The following GNG12 variants were observed in gnomAD, a reference collection of about 807,000 sequenced individuals.
The protein encoded by GNG12 is guanine nucleotide-binding protein G(I)/G(S)/G(O) subunit gamma-12.
For missense variants in GNG12, 69 were observed against 83.8 expected, an observed-to-expected ratio of 0.82 and a Z score of 0.69; for synonymous variants, 28 against 29.7, an observed-to-expected ratio of 0.94 and a Z score of 0.19.
intron 2 of GNG12, among the ~76,000 whole-genome samples, chr1:67,727,863 A>C (rs891591414): frequency 6.6e-5 from 10 of 152,214 alleles, no homozygotes; most frequent in African/African-American, 2.4e-4. Flanking sequence ...TTTAGCATGC[A>C]AATTTATGTG....
chr1:67,770,362 T>C (rs1171563476), intron 2 of GNG12, among the ~76,000 whole-genome samples: 2 of 152,038 alleles, frequency 1.3e-5, no homozygotes, highest in East Asian at 3.9e-4. Flanking sequence ...TTGATATGCA[T>C]CTCCCTCAGG....
chr1:67,748,549 G>A (rs1237565824), intron 2 of GNG12, among the ~76,000 whole-genome samples: 2 of 152,212 alleles, frequency 1.3e-5, no homozygotes, highest in Non-Finnish European at 2.9e-5. Context: ...GGAGGAAGAA[G>A]TGCAGCGTCT....
rs527710669 is a variant in GNG12, at chr1:67,737,938, T to G, written c.-26-30226A>C. Reference sequence around the variant, plus strand: ...CTAAGATTCTTTTCAGTGTCAAGCTTTATTATAAAAGCTTTTCTTTTCCTT... The same window carrying G: ...CTAAGATTCTTTTCAGTGTCAAGCTGTATTATAAAAGCTTTTCTTTTCCTT... On this transcript the variant is annotated intron_variant, in intron 2 of 3. Transcript: ENST00000370982. 2.6e-5 allele frequency among the ~76,000 whole-genome samples: 4 copies of G among 152,232 alleles called. No individual in the cohort carries two copies. The South Asian group carries it at 8.3e-4, about 32-fold the overall frequency.
At chr1:67,821,834 G>A (rs536897233) in intron 1 of GNG12, among the ~76,000 whole-genome samples, 10 of 151,298 alleles carry the variant, frequency 6.6e-5, no homozygotes, top group South Asian at 2.1e-4. Flanking sequence ...ATAGAATACC[G>A]GCACATCTAA....
intron 2 of GNG12, among the ~76,000 whole-genome samples, chr1:67,748,296 T>G (rs1473160511): frequency 6.6e-6 from 1 of 152,202 alleles, no homozygotes; most frequent in African/African-American, 2.4e-5. Context: ...AAGAAAGAAA[T>G]TCCTGGCTTT....
chr1:67,798,137 C>T (rs4388682), intron 1 of GNG12, among the ~76,000 whole-genome samples: 1 of 152,164 alleles, frequency 6.6e-6, no homozygotes, highest in Non-Finnish European at 1.5e-5. Context: ...CAGGCATGGA[C>T]TGGTCTGTTT....
intron 1 of GNG12, among the ~76,000 whole-genome samples, chr1:67,787,601 T>TAATA (rs1200131772): frequency 2.0e-5 from 3 of 152,046 alleles, no homozygotes; most frequent in Non-Finnish European, 2.9e-5. Context: ...CCCTTTTAGG[T>TAATA]AATAGACCTC....
chr1:67,807,405 C>T (rs778660379), intron 1 of GNG12, among the ~76,000 whole-genome samples: 21 of 150,186 alleles, frequency 1.4e-4, no homozygotes, highest in Non-Finnish European at 2.8e-4. Flanking sequence ...TCAAATTAAG[C>T]ATGGGCAAAG....
chr1:67,806,791 C>T (rs1646896647), intron 1 of GNG12, among the ~76,000 whole-genome samples: 1 of 152,048 alleles, frequency 6.6e-6, no homozygotes, highest in Non-Finnish European at 1.5e-5. Flanking sequence ...AGGTAAAAAA[C>T]TAATAGAACT....
At chr1:67,754,206 C>T (rs1191763268) in intron 2 of GNG12, among the ~76,000 whole-genome samples, 1 of 152,188 alleles carries the variant, frequency 6.6e-6, no homozygotes, top group Non-Finnish European at 1.5e-5. Flanking sequence ...CCCACAGGTG[C>T]TGTGTGCTAT....
chr1:67,786,562 T>G (rs530917298), intron 1 of GNG12, among the ~76,000 whole-genome samples: 13 of 152,164 alleles, frequency 8.5e-5, no homozygotes, highest in African/African-American at 3.1e-4. Context: ...TGCTTGTGAG[T>G]GTCTCTGAAC....
At chr1:67,768,552 A>G (rs1468111510) in intron 2 of GNG12, among the ~76,000 whole-genome samples, 1 of 152,216 alleles carries the variant, frequency 6.6e-6, no homozygotes, top group African/African-American at 2.4e-5. Context: ...AATGCAAACA[A>G]TGTAATAGCT....
At chr1:67,759,145 A>T (rs974377312) in intron 2 of GNG12, among the ~76,000 whole-genome samples, 2 of 152,232 alleles carry the variant, frequency 1.3e-5, no homozygotes, top group African/African-American at 4.8e-5. Context: ...GTATCCCCCA[A>T]ATATGCACAA....
chr1:67,798,961 TATAAATAAATAA>T (rs34151514), intron 1 of GNG12, among the ~76,000 whole-genome samples: 1 of 150,670 alleles, frequency 6.6e-6, no homozygotes, highest in Admixed American at 6.6e-5. Context: ...ACAAAAAAAA[TATAAATAAATAA>T]ATAAATAAAT....
At chr1:67,776,716 G>A (rs181604457) in intron 2 of GNG12, among the ~76,000 whole-genome samples, 102 of 152,258 alleles carry the variant, frequency 6.7e-4, no homozygotes, top group African/African-American at 2.2e-3. Context: ...GAAGGATCAC[G>A]TAGCTGAGCC....
chr1:67,806,781 A>T (rs2100803755), intron 1 of GNG12, among the ~76,000 whole-genome samples: 1 of 152,306 alleles, frequency 6.6e-6, no homozygotes, highest in South Asian at 2.1e-4. Context: ...AAAATAAGCT[A>T]GGTAAAAAAC....
intron 2 of GNG12, among the ~76,000 whole-genome samples, chr1:67,716,691 A>G (rs1646327569): frequency 6.6e-6 from 1 of 152,244 alleles, no homozygotes; most frequent in African/African-American, 2.4e-5. Context: ...GGAGAGGCCA[A>G]GTATCAGCCA....
At chr1:67,812,574 T>C (rs886488323) in intron 1 of GNG12, among the ~76,000 whole-genome samples, 2 of 152,102 alleles carry the variant, frequency 1.3e-5, no homozygotes, top group African/African-American at 2.4e-5. Flanking sequence ...AGATAAGACT[T>C]AGAGTGATTC....
chr1:67,755,162 C>T lies in GNG12; in HGVS notation c.-27+22296G>A, dbSNP rs373099269. 4.6e-5 allele frequency among the ~76,000 whole-genome samples: 7 copies of T among 152,382 alleles called. 1 individual carries two copies. The highest frequency in any genetic ancestry group is 1.2e-4 in the African/African-American group (5 of 41,586). On this transcript the variant is annotated intron_variant, in intron 2 of 3. Transcript: ENST00000370982. ...GACCTTTCTGTACCTAGGAGGAGAGCTTGCTGATGCTCTGAGGATAGCAGA... is the reference window on the plus strand; with the variant it reads ...GACCTTTCTGTACCTAGGAGGAGAGTTTGCTGATGCTCTGAGGATAGCAGA...
Sources: gnomAD v4.1 joint callset for allele counts (sites outside exome capture counted in the v4.1 genomes callset) on GRCh38, gnomAD v4.1.1 for gene constraint, MANE v1.5 for transcripts, NCBI Gene and HGNC (gene_info 2026-07-23, HGNC 2026-07-21) for gene names.